Variants in SGSM1 observed in about 807,000 individuals in gnomAD.
SGSM1 encodes the protein small G protein signaling modulator 1.
SGSM1 carries 73 observed loss-of-function variants against 133.8 expected under a neutral mutation model. That is an observed-to-expected ratio of 0.55 (90% CI 0.45 to 0.66). The LOEUF (loss-of-function observed/expected upper bound fraction) is 0.66. SGSM1 is among the 30% of genes least tolerant of loss of function. The pLI, the probability that SGSM1 is intolerant of heterozygous loss-of-function variation, is 0.00. For missense variants in SGSM1, 1,213 were observed against 1,448.1 expected (o/e 0.84, Z 2.64); for synonymous variants, 563 against 573.0 (o/e 0.98, Z 0.25).
intron 5 of SGSM1, among the ~76,000 whole-genome samples, chr22:24,852,598 C>T (rs1211240823): frequency 6.6e-6 from 1 of 152,140 alleles, no homozygotes; most frequent in Non-Finnish European, 1.5e-5. Context: ...CATGCACCAC[C>T]ACTCCTGGCT....
chr22:24,903,572 GA>G (rs915835294), intron 20 of SGSM1, among the ~76,000 whole-genome samples: 8 of 151,992 alleles, frequency 5.3e-5, no homozygotes, highest in Non-Finnish European at 1.0e-4. Flanking sequence ...ACATTAAAAT[GA>G]AAAAAATGCT....
rs572432134 is a variant in SGSM1, at chr22:24,886,607, A to G, written c.1649A>G (p.Glu550Gly). ...EQYLHDSTSYEEQELLRLIYY... is the reference protein window; with the variant it reads ...EQYLHDSTSYGEQELLRLIYY... ...CCTCTCCACCCACCACAGAGTTACG[A>G]GGAGCAGGAGCTGCTGCGCCTCATC... Residue 550 changes from glutamate (E) to glycine (G), a missense_variant, in exon 16 of 25, where the codon GAG (glutamate) becomes GGG (glycine). Transcript: ENST00000400358. 1 of 1,552,428 alleles carries G rather than the reference A, an allele frequency of 6.4e-7. No homozygotes were observed. Among genetic ancestry groups the G allele is most frequent in the African/African-American group, 1.4e-5 (1 of 73,214 alleles).
chr22:24,907,637 T>G (rs370724803), intron 21 of SGSM1, among the ~76,000 whole-genome samples: 5 of 151,766 alleles, frequency 3.3e-5, no homozygotes, highest in East Asian at 1.9e-4. Context: ...TTTAAAAGGA[T>G]ATGTTGGCCG....
intron 16 of SGSM1, among the ~76,000 whole-genome samples, chr22:24,887,107 T>TGTGTGTGTG (rs1932651070): frequency 1.4e-5 from 2 of 145,212 alleles, no homozygotes; most frequent in Non-Finnish European, 3.0e-5. Context: ...TTGTACTTAT[T>TGTGTGTGTG]TGTGTGTGTG....
intron 12 of SGSM1, 88 bp downstream of exon 12, chr22:24,868,943 G>T (rs1808380410): frequency 3.3e-6 from 5 of 1,532,656 alleles, no homozygotes; most frequent in East Asian, 2.3e-5. Flanking sequence ...AAGATGACAG[G>T]TCTGGATTCT....
At position 24,856,925 on chromosome 22, in the gene SGSM1, C is replaced by T. The variant is rs180882376; in HGVS notation, c.801+1245C>T. On this transcript the variant is annotated intron_variant, in intron 8 of 24. Transcript: ENST00000400358. ...CTGGGACTACAGATGCCCGCCACCA[C>T]GCCCAGCTAATTTTTTGTATTTTTA... is the stretch of plus-strand genomic sequence containing the variant. Among the ~76,000 whole-genome samples, 123 of 151,916 alleles carry T rather than the reference C, an allele frequency of 8.1e-4. 1 individual carries two copies. The highest frequency in any genetic ancestry group is 2.9e-3 in the African/African-American group (121 of 41,474).
chr22:24,877,757 C>T (rs1482647500), intron 13 of SGSM1, among the ~76,000 whole-genome samples: 5 of 137,922 alleles, frequency 3.6e-5, no homozygotes, highest in Admixed American at 1.5e-4. Flanking sequence ...CATGTGTATA[C>T]TTTAAAGTTT....
intron 9 of SGSM1, among the ~76,000 whole-genome samples, chr22:24,862,977 T>C (rs1249851739): frequency 1.3e-5 from 2 of 152,186 alleles, no homozygotes; most frequent in African/African-American, 4.8e-5. Flanking sequence ...GCGAGGACCC[T>C]GTTTGTTGCT....
chr22:24,900,701 T>G lies in SGSM1; in HGVS notation c.2611-1132T>G, dbSNP rs111628441. ...CATGAGCCACGGCGCCCCGCCTTAT[T>G]TCTTTAAATACAGTAAACATACTTA... On this transcript the variant is annotated intron_variant, in intron 19 of 24. Transcript: ENST00000400358. Among the ~76,000 whole-genome samples the G allele has an allele frequency of 4.4e-3, 676 of 152,320 alleles. 1 individual carries two copies. The highest frequency in any genetic ancestry group is 0.015 in the African/African-American group (633 of 41,574).
At chr22:24,832,223 T>A (rs1929158732) in intron 2 of SGSM1, among the ~76,000 whole-genome samples, 2 of 152,170 alleles carry the variant, frequency 1.3e-5, no homozygotes, top group South Asian at 4.2e-4. Context: ...TTGTTGATGA[T>A]CTTGGGCACC....
chr22:24,867,644 T>C (rs1931531234), intron 10 of SGSM1, among the ~76,000 whole-genome samples: 4 of 152,212 alleles, frequency 2.6e-5, no homozygotes, highest in Admixed American at 2.6e-4. Flanking sequence ...GTCAGTGCTC[T>C]GAAGATTGGG....
intron 14 of SGSM1, among the ~76,000 whole-genome samples, chr22:24,881,009 G>A (rs895683779): frequency 3.9e-5 from 6 of 151,936 alleles, no homozygotes; most frequent in African/African-American, 1.4e-4. Flanking sequence ...TGGTCAACAT[G>A]GTGAAACCCC....
chr22:24,917,817 G>A, intron 23 of SGSM1, 63 bp downstream of exon 23: 12 of 1,412,806 alleles, frequency 8.5e-6, no homozygotes, highest in Non-Finnish European at 1.2e-5. Context: ...CAGGGGAAAA[G>A]ATCCCGTGGA....
chr22:24,807,353 CTCTTTGCA>C (rs1369374839), intron 2 of SGSM1, among the ~76,000 whole-genome samples: 1 of 152,044 alleles, frequency 6.6e-6, no homozygotes, highest in Admixed American at 6.6e-5. Flanking sequence ...CTAAGTGTAT[CTCTTTGCA>C]CTGTGTGTAC....
chr22:24,824,963 G>A (rs1190968751), intron 2 of SGSM1, among the ~76,000 whole-genome samples: 1 of 152,198 alleles, frequency 6.6e-6, no homozygotes, highest in Admixed American at 6.5e-5. Context: ...TCTCGCAGGA[G>A]CACTCGAGAA....
chr22:24,875,123 G>A (rs146712837), intron 12 of SGSM1, among the ~76,000 whole-genome samples: 1 of 152,222 alleles, frequency 6.6e-6, no homozygotes, highest in East Asian at 1.9e-4. Context: ...GAAGAGTCAG[G>A]GTATTACCAG....
intron 21 of SGSM1, among the ~76,000 whole-genome samples, 192 bp from the exon 22 acceptor site, chr22:24,912,451 G>A (rs138804518): frequency 0.024 from 3,714 of 152,258 alleles, 146 homozygotes; most frequent in African/African-American, 0.085. Context: ...GGCCAAGGCA[G>A]GCAGATCACG....
At chr22:24,906,057 T>C (rs1933366119) in intron 21 of SGSM1, among the ~76,000 whole-genome samples, 1 of 152,062 alleles carries the variant, frequency 6.6e-6, no homozygotes, top group African/African-American at 2.4e-5. Flanking sequence ...ATAAAAAAGC[T>C]TATACACCAT....
chr22:24,814,459 T>A (rs773153069), intron 2 of SGSM1, among the ~76,000 whole-genome samples: 24 of 151,130 alleles, frequency 1.6e-4, no homozygotes, highest in Non-Finnish European at 2.2e-4. Flanking sequence ...CAGCAAGGGG[T>A]CTGGCTGCAC....
Sources: allele counts gnomAD v4.1 joint callset (sites outside exome capture counted in the v4.1 genomes callset), GRCh38; gene constraint gnomAD v4.1.1; transcripts MANE v1.5; gene names NCBI Gene and HGNC (gene_info 2026-07-23, HGNC 2026-07-21).